Variants in SHROOM3 observed in about 807,000 individuals in gnomAD.
The protein encoded by SHROOM3 is shroom family member 3.
A neutral mutation model predicts 138.6 loss-of-function variants in SHROOM3; 47 were observed. The ratio of observed to expected loss-of-function variants is 0.34; its 90% CI spans 0.27 to 0.43. SHROOM3 has a LOEUF of 0.43. SHROOM3 is among the 20% of genes least tolerant of loss of function. The pLI is 1.00. For missense variants in SHROOM3, 2,491 were observed against 2,596.5 expected, an observed-to-expected ratio of 0.96 and a Z score of 0.88; for synonymous variants, 1,062 against 1,063.3, an observed-to-expected ratio of 1.00 and a Z score of 0.02.
chr4:76,776,144 T>C (rs1722561916), intron 10 of SHROOM3, among the ~76,000 whole-genome samples: 2 of 152,100 alleles, frequency 1.3e-5, no homozygotes, highest in Non-Finnish European at 2.9e-5. Context: ...ATATATTAGT[T>C]TTTGATTATG....
intron 2 of SHROOM3, among the ~76,000 whole-genome samples, chr4:76,704,676 G>A (rs1330322636): frequency 6.6e-6 from 1 of 152,204 alleles, no homozygotes; most frequent in Non-Finnish European, 1.5e-5. Context: ...AGGCCAAGTA[G>A]GGGAACCTGG....
intron 2 of SHROOM3, among the ~76,000 whole-genome samples, chr4:76,709,478 C>T (rs1720161422): frequency 6.6e-6 from 1 of 151,774 alleles, no homozygotes; most frequent in African/African-American, 2.4e-5. Flanking sequence ...CATGGCGGAA[C>T]ACATTGGCCA....
chr4:76,481,189 C>T (rs1259738557), intron 1 of SHROOM3, among the ~76,000 whole-genome samples: 1 of 151,992 alleles, frequency 6.6e-6, no homozygotes, highest in Non-Finnish European at 1.5e-5. Context: ...TCAATTAATC[C>T]AGAAGCTGGT....
chr4:76,710,644 G>A (rs978164696), intron 3 of SHROOM3, among the ~76,000 whole-genome samples: 1 of 152,086 alleles, frequency 6.6e-6, no homozygotes, highest in Non-Finnish European at 1.5e-5. Flanking sequence ...CCTTGGAAAT[G>A]ATCAGTGTGC....
intron 2 of SHROOM3, among the ~76,000 whole-genome samples, chr4:76,579,244 A>G (rs1421235074): frequency 1.3e-5 from 2 of 152,006 alleles, no homozygotes; most frequent in African/African-American, 4.8e-5. Flanking sequence ...CAAGGCGGGC[A>G]GATCACGAGG....
chr4:76,488,179 G>GT lies in SHROOM3; in HGVS notation c.168+51967dup, dbSNP rs199640992. Among the ~76,000 whole-genome samples, 1,002 of 151,884 alleles carry GT rather than the reference G, an allele frequency of 6.6e-3. 7 individuals are homozygous for GT. The highest frequency in any genetic ancestry group is 0.023 in the African/African-American group (949 of 41,428). ...TGTTTAAGTGTGTAAATTATAATTT[G>GT]TTTTTTTTAAAGGGGGTTCACTAAC... On this transcript the variant is annotated intron_variant, in intron 1 of 10. Coordinates refer to ENST00000296043, the MANE Select transcript of SHROOM3 (RefSeq NM_020859.4).
chr4:76,745,512 A>G (rs1262492071), intron 5 of SHROOM3, among the ~76,000 whole-genome samples: 1 of 152,262 alleles, frequency 6.6e-6, no homozygotes, highest in Admixed American at 6.5e-5. Context: ...AGTATTGGAT[A>G]TAGGCTTGAT....
In SHROOM3 at chr4:76,782,280, T is replaced by G. The variant is rs1722752563; in HGVS notation, c.*3103T>G. The G allele has an allele frequency of 1.3e-5, 2 of 152,218 alleles. No individual in the cohort carries two copies. Among genetic ancestry groups the G allele is most frequent in the African/African-American group, 4.8e-5 (2 of 41,460 alleles). 9.4% of individuals were successfully genotyped at this position (152,218 alleles called of 1,614,324 possible). A position where few individuals can be genotyped will look rare whatever the true frequency, so the allele number is the denominator to read the frequency against. On this transcript the variant is annotated 3_prime_UTR_variant, in exon 11 of 11. Transcript: ENST00000296043. ...TATGGGAACATTTTAGGGTTTGTTT[T>G]GCACAGCTGGTTTCCAGACTAGAAG... is the stretch of plus-strand genomic sequence containing the variant.
intron 9 of SHROOM3, among the ~76,000 whole-genome samples, chr4:76,766,150 G>GATA (rs1392748504): frequency 2.6e-5 from 4 of 152,158 alleles, no homozygotes; most frequent in Non-Finnish European, 4.4e-5. Context: ...GGTAAACGGG[G>GATA]ATAATAATAA....
At chr4:76,708,602 T>C (rs969661168) in intron 2 of SHROOM3, among the ~76,000 whole-genome samples, 5 of 152,204 alleles carry the variant, frequency 3.3e-5, no homozygotes, top group Non-Finnish European at 1.5e-5. Flanking sequence ...TCATATAATC[T>C]TTACAGTCAG....
At chr4:76,603,838 CTTTTTTTTTTTT>C (rs993165829) in intron 2 of SHROOM3, among the ~76,000 whole-genome samples, 1 of 97,284 alleles carries the variant, frequency 1.0e-5, no homozygotes, top group Non-Finnish European at 2.0e-5. Context: ...ATCTTGTATT[CTTTTTTTTTTTT>C]TTTTTTTTTT....
intron 2 of SHROOM3, among the ~76,000 whole-genome samples, chr4:76,683,466 C>T (rs1560590089): frequency 6.6e-6 from 1 of 152,102 alleles, no homozygotes; most frequent in Non-Finnish European, 1.5e-5. Flanking sequence ...CAGCGAATTT[C>T]CCTCATTCTT....
chr4:76,628,297 C>T (rs1735206259), intron 2 of SHROOM3, among the ~76,000 whole-genome samples: 1 of 151,982 alleles, frequency 6.6e-6, no homozygotes, highest in Non-Finnish European at 1.5e-5. Flanking sequence ...CTAGATTTTT[C>T]CCTGTTTCTG....
intron 1 of SHROOM3, among the ~76,000 whole-genome samples, chr4:76,462,090 C>A (rs911618026): frequency 1.3e-5 from 2 of 152,068 alleles, no homozygotes; most frequent in Non-Finnish European, 2.9e-5. Context: ...GAAATTAGAT[C>A]ATTTTTAAAG....
chr4:76,491,469 T>C (rs1268041922), intron 1 of SHROOM3, among the ~76,000 whole-genome samples: 1 of 152,190 alleles, frequency 6.6e-6, no homozygotes, highest in Non-Finnish European at 1.5e-5. Flanking sequence ...CTCCCTTGCA[T>C]GTGACTGAGA....
At chr4:76,719,463 T>A (rs1050020261) in intron 3 of SHROOM3, among the ~76,000 whole-genome samples, 2 of 152,278 alleles carry the variant, frequency 1.3e-5, no homozygotes, top group Non-Finnish European at 2.9e-5. Context: ...TATGCTGTGC[T>A]GTTCTTTTGT....
At chr4:76,685,190 GT>G (rs1016688786) in intron 2 of SHROOM3, among the ~76,000 whole-genome samples, 26 of 152,198 alleles carry the variant, frequency 1.7e-4, no homozygotes, top group African/African-American at 6.3e-4. Flanking sequence ...TCATTAAACA[GT>G]TCCTAAAACT....
rs139903175 is a variant in SHROOM3, at chr4:76,770,138, C to T, written c.5350-488C>T. ...AGGAGTTCGAGACCAGTCTGGCCAACATGATGAAACCCCATCTCTACTAAA... is the reference window on the plus strand; with the variant it reads ...AGGAGTTCGAGACCAGTCTGGCCAATATGATGAAACCCCATCTCTACTAAA... On this transcript the variant is annotated intron_variant, in intron 9 of 10. Transcript: ENST00000296043. 4.3e-3 allele frequency among the ~76,000 whole-genome samples: 658 copies of T among 152,004 alleles called. 14 individuals are homozygous for T. In the South Asian group the frequency reaches 0.057, roughly 13 times the overall value.
rs77127468 is a variant in SHROOM3 at position 76,461,657 on chromosome 4, G to A, written c.168+25437G>A. On this transcript the variant is annotated intron_variant, in intron 1 of 10. Coordinates refer to ENST00000296043, the MANE Select transcript of SHROOM3 (RefSeq NM_020859.4). ...GAGTTGACATAGTTCTGAGACAGCA[G>A]TGTGAAGGTATGCTGTTGTCCTCAT... Among the ~76,000 whole-genome samples the A allele has an allele frequency of 8.2e-3, 1,245 of 152,340 alleles. 16 individuals carry two copies. The highest frequency in any genetic ancestry group is 0.027 in the African/African-American group (1,143 of 41,574).
Sources: gnomAD v4.1 joint callset for allele counts (sites outside exome capture counted in the v4.1 genomes callset) on GRCh38, gnomAD v4.1.1 for gene constraint, MANE v1.5 for transcripts, NCBI Gene and HGNC (gene_info 2026-07-23, HGNC 2026-07-21) for gene names.